RNGTT: variants seen among roughly 807,000 people sequenced by gnomAD.
RNGTT encodes RNA guanylyltransferase and 5'-phosphatase.
Under a neutral mutation model 79.3 loss-of-function variants are expected in RNGTT, and 33 were observed. The ratio of observed to expected loss-of-function variants is 0.42; its 90% CI spans 0.32 to 0.56. The LOEUF (loss-of-function observed/expected upper bound fraction) is 0.56. Ranked by LOEUF, RNGTT falls within the 20% of genes least tolerant of loss-of-function variation. The pLI, the probability that RNGTT is intolerant of heterozygous loss-of-function variation, is 0.17. For missense variants in RNGTT, 497 were observed against 739.1 expected, an observed-to-expected ratio of 0.67 and a Z score of 3.80; for synonymous variants, 222 against 235.9, an observed-to-expected ratio of 0.94 and a Z score of 0.54.
At position 88,929,226 on chromosome 6, in the gene RNGTT, C is replaced by T. The variant is rs149938605; in HGVS notation, c.216G>A (p.Arg72=). 2,690 of 1,607,352 alleles carry T rather than the reference C, an allele frequency of 1.7e-3. No individual in the cohort carries two copies. The highest frequency in any genetic ancestry group is 2.1e-3 in the Non-Finnish European group (2,459 of 1,176,768). ...TTTCTATGTCATTTCGGTCATAGAACCTTGAAGTATTTGTCAGGTCCACCA... is the reference window on the plus strand; with the variant it reads ...TTTCTATGTCATTTCGGTCATAGAATCTTGAAGTATTTGTCAGGTCCACCA... The part of the protein sequence containing the change: ...GLLVDLTNTS[R]FYDRNDIEKE... Residue 72 remains arginine, a synonymous_variant, in exon 3 of 16, where the codon AGG becomes AGA. Coordinates refer to ENST00000369485, the MANE Select transcript of RNGTT (RefSeq NM_003800.5).
intron 13 of RNGTT, among the ~76,000 whole-genome samples, chr6:88,753,061 C>G (rs1777891361): frequency 6.6e-6 from 1 of 151,466 alleles, no homozygotes; most frequent in Non-Finnish European, 1.5e-5. Context: ...TTTAAAAAAA[C>G]AAATCAGTGA....
intron 2 of RNGTT, among the ~76,000 whole-genome samples, chr6:88,930,063 T>TGCATATGTATACATATACATGTATAC (rs1784457824): frequency 6.7e-6 from 1 of 148,174 alleles, no homozygotes; most frequent in Non-Finnish European, 1.5e-5. Flanking sequence ...TACATGTATA[T>TGCATATGTATACATATACATGTATAC]GCATATGTAT....
At chr6:88,827,397 G>A (rs892498247) in intron 11 of RNGTT, among the ~76,000 whole-genome samples, 9 of 152,206 alleles carry the variant, frequency 5.9e-5, no homozygotes, top group African/African-American at 2.2e-4. Context: ...GCAACCTGCA[G>A]ACCGGTAGAT....
At chr6:88,617,457 G>C (rs1304134893) in intron 14 of RNGTT, among the ~76,000 whole-genome samples, 1 of 152,178 alleles carries the variant, frequency 6.6e-6, no homozygotes, top group African/African-American at 2.4e-5. Flanking sequence ...TTCCCATTGT[G>C]TAGTATTGGC....
intron 13 of RNGTT, among the ~76,000 whole-genome samples, chr6:88,687,587 T>C (rs548900601): frequency 3.9e-5 from 6 of 152,234 alleles, no homozygotes; most frequent in Admixed American, 3.3e-4. Context: ...TGGAATAATA[T>C]GCAGCGGTAA....
chr6:88,949,159 G>GAAAAAAAAAAAAAAAAAAAAAAAAT, intron 1 of RNGTT, among the ~76,000 whole-genome samples: 1 of 50,512 alleles, frequency 2.0e-5, no homozygotes, highest in African/African-American at 7.9e-5. Context: ...AAAATAAAAT[G>GAAAAAAAAAAAAAAAAAAAAAAAAT]AAAAAAAAAA....
intron 6 of RNGTT, among the ~76,000 whole-genome samples, chr6:88,901,495 CTTTTTTTTTT>C (rs71024314): frequency 6.1e-5 from 4 of 65,776 alleles, no homozygotes; most frequent in African/African-American, 2.1e-4. Context: ...GCACCCTGAT[CTTTTTTTTTT>C]TTTTTTTTTT....
In RNGTT at chr6:88,656,786, A is replaced by G. The variant is rs536070207; in HGVS notation, c.1506+21567T>C. 3.9e-5 allele frequency among the ~76,000 whole-genome samples: 6 copies of G among 152,002 alleles called. No individual in the cohort carries two copies. In the South Asian group the frequency reaches 1.2e-3, roughly 32 times the overall value. On this transcript the variant is annotated intron_variant, in intron 14 of 15. Transcript: ENST00000369485. Reference sequence around the variant, plus strand: ...CTGAAGATGTTAAGAGATTAAAAAAAAAAAAAAAGTAAGTTGAGGAAGGCC... The same window carrying G: ...CTGAAGATGTTAAGAGATTAAAAAAGAAAAAAAAGTAAGTTGAGGAAGGCC...
At chr6:88,873,721 T>A (rs1782426306) in intron 8 of RNGTT, among the ~76,000 whole-genome samples, 1 of 152,116 alleles carries the variant, frequency 6.6e-6, no homozygotes. Context: ...ACAAATGACT[T>A]TTATAATGGG....
intron 13 of RNGTT, among the ~76,000 whole-genome samples, chr6:88,713,703 C>A (rs906398614): frequency 2.6e-5 from 4 of 151,764 alleles, no homozygotes; most frequent in African/African-American, 7.3e-5. Flanking sequence ...TGTTTATTTT[C>A]AAATAACCGC....
intron 14 of RNGTT, among the ~76,000 whole-genome samples, chr6:88,655,340 T>G (rs541282892): frequency 6.6e-6 from 1 of 152,194 alleles, no homozygotes; most frequent in South Asian, 2.1e-4. Context: ...TTAAAAAAAA[T>G]AGAAATGATG....
rs1785344196 is a variant in RNGTT at position 88,954,025 on chromosome 6, C to A, written c.64+9321G>T. On this transcript the variant is annotated intron_variant, in intron 1 of 15. Coordinates refer to ENST00000369485, the MANE Select transcript of RNGTT (RefSeq NM_003800.5). ...CTCAAAATACACCAAAATAGAACAT[C>A]CTTAAAGCATAAATTTCACAGGGCC... Among the ~76,000 whole-genome samples the A allele has an allele frequency of 2.0e-5, 3 of 152,070 alleles. No individual in the cohort carries two copies. The South Asian group carries it at 6.2e-4, about 32-fold the overall frequency.
At chr6:88,669,677 A>G (rs1349291823) in intron 14 of RNGTT, among the ~76,000 whole-genome samples, 1 of 152,214 alleles carries the variant, frequency 6.6e-6, no homozygotes, top group African/African-American at 2.4e-5. Context: ...TATACTGGAT[A>G]TGTGGACATA....
At chr6:88,640,423 T>G (rs574778411) in intron 14 of RNGTT, among the ~76,000 whole-genome samples, 209 of 148,848 alleles carry the variant, frequency 1.4e-3, no homozygotes, top group Middle Eastern at 3.5e-3. Context: ...TGGTGGCATG[T>G]GCCTGTAGTC....
At chr6:88,719,113 G>A (rs1401364868) in intron 13 of RNGTT, among the ~76,000 whole-genome samples, 2 of 152,194 alleles carry the variant, frequency 1.3e-5, no homozygotes, top group Admixed American at 6.5e-5. Context: ...ACCACTTAGT[G>A]TAAGTGTATT....
chr6:88,780,511 G>A (rs1356737264), intron 12 of RNGTT, among the ~76,000 whole-genome samples: 1 of 152,132 alleles, frequency 6.6e-6, no homozygotes, highest in East Asian at 1.9e-4. Flanking sequence ...TGTATAGTCA[G>A]AGTAATATAA....
intron 4 of RNGTT, among the ~76,000 whole-genome samples, chr6:88,907,573 C>T (rs1458993953): frequency 6.6e-6 from 1 of 152,046 alleles, no homozygotes; most frequent in African/African-American, 2.4e-5. Flanking sequence ...CATAAATTAC[C>T]CATTCTCGAG....
chr6:88,897,679 T>C (rs1346667863), intron 6 of RNGTT, among the ~76,000 whole-genome samples: 1 of 152,318 alleles, frequency 6.6e-6, no homozygotes, highest in South Asian at 2.1e-4. Context: ...GCTTGCAAAG[T>C]TGGCTCCTGA....
intron 11 of RNGTT, among the ~76,000 whole-genome samples, chr6:88,821,367 A>G (rs1780491503): frequency 6.6e-6 from 1 of 152,162 alleles, no homozygotes; most frequent in Admixed American, 6.5e-5. Flanking sequence ...GTGCTAATTA[A>G]ATTTTAGAAA....
Sources: gnomAD v4.1 joint callset for allele counts (sites outside exome capture counted in the v4.1 genomes callset) on GRCh38, gnomAD v4.1.1 for gene constraint, MANE v1.5 for transcripts, NCBI Gene and HGNC (gene_info 2026-07-23, HGNC 2026-07-21) for gene names.